Variants in HDAC5 observed in about 807,000 individuals in gnomAD.
HDAC5 encodes the protein antigen NY-CO-9.
In HDAC5, 25 loss-of-function variants were observed where a neutral mutation model predicts 133.3. That is an observed-to-expected ratio of 0.19 (90% CI 0.14 to 0.26). HDAC5 has a LOEUF of 0.26. Among genes scored for constraint, HDAC5 ranks in the 10% least tolerant of loss-of-function variants. The pLI is 1.00. For synonymous variants in HDAC5, 589 were observed against 610.8 expected, an observed-to-expected ratio of 0.96 and a Z score of 0.53; for missense variants, 1,041 against 1,460.5, an observed-to-expected ratio of 0.71 and a Z score of 4.68.
chr17:44,123,266 C>T (rs2053122881), intron 1 of HDAC5: 1 of 306,154 alleles, frequency 3.3e-6, no homozygotes, highest in Admixed American at 5.1e-5. Flanking sequence ...GTAGGGAAGG[C>T]GCCCCTGTCT....
At chr17:44,086,983 G>T (rs1351990201) in intron 13 of HDAC5, among the ~76,000 whole-genome samples, 15 of 148,560 alleles carry the variant, frequency 1.0e-4, no homozygotes, top group African/African-American at 3.7e-4. Flanking sequence ...GGAGGGGTGG[G>T]GGCGGGGGCG....
rs1243519592 is a variant in HDAC5 at position 44,078,015 on chromosome 17, C to G, written c.*361G>C. ...AAATCAGCTGAAACCAAGGCACCGA[C>G]TTCCCGTTCCCTCCTCACTCGGGGG... On this transcript the variant is annotated 3_prime_UTR_variant, in exon 27 of 27. Transcript: ENST00000682912. 9.2e-6 allele frequency: 2 copies of G among 217,566 alleles called. No individual in the cohort carries two copies. The highest frequency in any genetic ancestry group is 2.3e-5 in the African/African-American group (1 of 43,926). 13.5% of individuals were successfully genotyped at this position (217,566 alleles called of 1,614,324 possible).
intron 3 of HDAC5, among the ~76,000 whole-genome samples, chr17:44,103,433 A>G (rs2051740351): frequency 6.6e-6 from 1 of 152,198 alleles, no homozygotes; most frequent in South Asian, 2.1e-4. Context: ...GAGTGAGAGG[A>G]CGCTGGGGTT....
intron 1 of HDAC5, among the ~76,000 whole-genome samples, chr17:44,121,121 A>AAG (rs1567696884): frequency 6.7e-6 from 1 of 149,824 alleles, no homozygotes; most frequent in South Asian, 2.1e-4. Flanking sequence ...AAAAAAAAAA[A>AAG]AGAGAGGGGG....
rs1567975735 is a variant in HDAC5, at chr17:44,078,254, C to T, written c.*122G>A. On this transcript the variant is annotated 3_prime_UTR_variant, in exon 27 of 27. Transcript: ENST00000682912. The stretch of plus-strand genomic sequence containing the variant: ...GGGGGCCTGAGGCAGCGTAGAGGAG[C>T]AGGAGGGGCAAGGCTGAGAGACCCA... The T allele has an allele frequency of 1.9e-6, 2 of 1,042,622 alleles. No individual in the cohort carries two copies. Among genetic ancestry groups the T allele is most frequent in the South Asian group, 1.9e-5 (1 of 52,688 alleles). The allele number at this position is 1,042,622 out of a possible 1,614,324, so 64.6% of individuals were successfully genotyped here. A position where few individuals can be genotyped will look rare whatever the true frequency, so the allele number is the denominator to read the frequency against.
intron 1 of HDAC5, among the ~76,000 whole-genome samples, chr17:44,120,856 G>A (rs531706924): frequency 6.6e-6 from 1 of 152,054 alleles, no homozygotes; most frequent in East Asian, 1.9e-4. Context: ...CTCAGCCTCT[G>A]AGAGCTTCTG....
intron 3 of HDAC5, among the ~76,000 whole-genome samples, chr17:44,098,000 C>T (rs1289192939): frequency 3.3e-5 from 5 of 152,256 alleles, no homozygotes; most frequent in Non-Finnish European, 7.3e-5. Flanking sequence ...GCCTCGTTCC[C>T]ATGCAAACAG....
chr17:44,099,843 G>T (rs2051483623), intron 3 of HDAC5, among the ~76,000 whole-genome samples: 1 of 152,154 alleles, frequency 6.6e-6, no homozygotes, highest in Non-Finnish European at 1.5e-5. Context: ...GAGCTGCCCT[G>T]CCCAGCTCAC....
At chr17:44,104,597 C>T (rs2051819662) in intron 3 of HDAC5, among the ~76,000 whole-genome samples, 1 of 152,240 alleles carries the variant, frequency 6.6e-6, no homozygotes, top group Non-Finnish European at 1.5e-5. Context: ...TTCCTTCCCA[C>T]TCCCGCACTT....
At chr17:44,099,675 C>T (rs532017443) in intron 3 of HDAC5, among the ~76,000 whole-genome samples, 73 of 152,156 alleles carry the variant, frequency 4.8e-4, no homozygotes, top group African/African-American at 1.7e-3. Context: ...GGGGTTTCAC[C>T]GTGTTAGCCA....
intron 3 of HDAC5, among the ~76,000 whole-genome samples, chr17:44,109,787 C>T (rs1472462814): frequency 1.3e-5 from 2 of 152,260 alleles, no homozygotes; most frequent in East Asian, 1.9e-4. Flanking sequence ...CCCATTCACA[C>T]GCACACACAC....
intron 3 of HDAC5, among the ~76,000 whole-genome samples, chr17:44,094,427 G>A (rs1169967152): frequency 6.6e-6 from 1 of 152,080 alleles, no homozygotes; most frequent in African/African-American, 2.4e-5. Flanking sequence ...CACGAGGTCA[G>A]GAGATCAAGA....
rs1299141097 is a variant in HDAC5, at chr17:44,085,124, G to A, written c.2082C>T (p.His694=). The change falls in exon 15 of 27, where the codon CAC becomes CAT. Residue 694 remains histidine, a synonymous_variant. Coordinates refer to ENST00000682912, the MANE Select transcript of HDAC5 (RefSeq NM_005474.5). Reference sequence around the variant, plus strand: ...CGTGTGTGTTCCCGCACATGCACTGGTGCTTTAGCATGAACGTGTCGTAGA... The same window carrying A: ...CGTGTGTGTTCCCGCACATGCACTGATGCTTTAGCATGAACGTGTCGTAGA... ...GVVYDTFMLK[H]QCMCGNTHVH... 3.7e-6 allele frequency: 6 copies of A among 1,602,486 alleles called. No homozygotes were observed. The highest frequency in any genetic ancestry group is 1.3e-5 in the African/African-American group (1 of 74,736).
chr17:44,120,817 C>G (rs551913991), intron 1 of HDAC5, among the ~76,000 whole-genome samples: 67 of 152,034 alleles, frequency 4.4e-4, no homozygotes, highest in Non-Finnish European at 8.1e-4. Flanking sequence ...CTTGACCCCT[C>G]CTGACCATGG....
In HDAC5 at chr17:44,092,466, G is replaced by A. The variant is rs2051002236; in HGVS notation, c.834C>T (p.Ser278=). 1.2e-6 allele frequency: 2 copies of A among 1,614,048 alleles called. No homozygotes were observed. The highest frequency in any genetic ancestry group is 2.7e-5 in the African/African-American group (2 of 75,048). Reference sequence around the variant, plus strand: ...CATCCTTGCGACGCAGGAGGGGACTGCTTCTCCGCTCAGCCACCTTCTGTT... The same window carrying A: ...CATCCTTGCGACGCAGGAGGGGACTACTTCTCCGCTCAGCCACCTTCTGTT... ...RLKQKVAERR[S]SPLLRRKDGT... Residue 278 remains serine (S), a synonymous_variant, in exon 8 of 27, where the codon AGC becomes AGT. Transcript: ENST00000682912.
In HDAC5 at chr17:44,083,448, A is replaced by G. The variant is rs573212091; in HGVS notation, c.2463+97T>C. 102 of 807,298 alleles carry G rather than the reference A, an allele frequency of 1.3e-4. No individual in the cohort carries two copies. The African/African-American group carries it at 1.6e-3, about 13-fold the overall frequency. The allele number at this position is 807,298 out of a possible 1,614,324, so 50.0% of individuals were successfully genotyped here. A position where few individuals can be genotyped will look rare whatever the true frequency, so the allele number is the denominator to read the frequency against. ...CCTGAGAGTTGAGCTTGCAAAGGAC[A>G]GTGCCTCACTGAAAGGATCCCAAGG... On this transcript the variant is annotated intron_variant, in intron 18 of 26. Transcript: ENST00000682912.
At chr17:44,090,438 G>C (rs868790870) in intron 11 of HDAC5, among the ~76,000 whole-genome samples, 1 of 151,862 alleles carries the variant, frequency 6.6e-6, no homozygotes, top group Non-Finnish European at 1.5e-5. Flanking sequence ...GCAATGGAGC[G>C]ATCTCGGCTC....
rs768139493 is a variant in HDAC5, at chr17:44,082,666, G to A, written c.2526C>T (p.Phe842=). The part of the protein sequence containing the change: ...HHAEESTAMG[F]CFFNSVAITA... ...TGATGGCTACAGAGTTGAAGAAGCA[G>A]AATCCCCTGAGGAGGGGAGAAAAGG... Residue 842 remains phenylalanine (F), a synonymous_variant, in exon 20 of 27, where the codon TTC becomes TTT. Transcript: ENST00000682912. 1 of 1,613,908 alleles carries A rather than the reference G, an allele frequency of 6.2e-7. No individual in the cohort carries two copies. The highest frequency in any genetic ancestry group is 1.7e-5 in the Admixed American group (1 of 60,008).
intron 3 of HDAC5, among the ~76,000 whole-genome samples, chr17:44,094,712 CTG>C (rs373838825): frequency 1.1e-4 from 17 of 149,620 alleles, no homozygotes; most frequent in African/African-American, 3.7e-4. Flanking sequence ...TTTTATGTAT[CTG>C]TGTGTGTGTG....
Sources: gnomAD v4.1 joint callset for allele counts (sites outside exome capture counted in the v4.1 genomes callset) on GRCh38, gnomAD v4.1.1 for gene constraint, MANE v1.5 for transcripts, NCBI Gene and HGNC (gene_info 2026-07-23, HGNC 2026-07-21) for gene names.